The following SYCP2 variants were observed in gnomAD, a reference collection of about 807,000 sequenced individuals.
SYCP2 encodes synaptonemal complex protein 2.
SYCP2 carries 55 observed loss-of-function variants against 211.3 expected under a neutral mutation model. The observed-to-expected ratio is 0.26, with a 90% confidence interval of 0.21 to 0.33. SYCP2 has a LOEUF of 0.33. Among genes scored for constraint, SYCP2 ranks in the 10% least tolerant of loss-of-function variants. The pLI, the probability that SYCP2 is intolerant of heterozygous loss-of-function variation, is 1.00. For missense variants in SYCP2, 1,731 were observed against 1,752.0 expected (o/e 0.99, Z 0.21); for synonymous variants, 570 against 555.2 (o/e 1.03, Z -0.37).
chr20:59,872,411 T>C (rs188271041), intron 35 of SYCP2, among the ~76,000 whole-genome samples: 2 of 151,978 alleles, frequency 1.3e-5, no homozygotes, highest in Non-Finnish European at 2.9e-5. Flanking sequence ...GGAGATATCG[T>C]AGTGCTCAAG....
intron 2 of SYCP2, among the ~76,000 whole-genome samples, chr20:59,927,235 T>G (rs770823962): frequency 1.3e-5 from 2 of 152,152 alleles, no homozygotes; most frequent in Non-Finnish European, 2.9e-5. Context: ...CTTTCAGTCC[T>G]TGGTCTTTAA....
rs1037130477 is a variant in SYCP2, at chr20:59,919,691, G to A, written c.298-94C>T. The A allele has an allele frequency of 1.4e-5, 9 of 645,502 alleles. No homozygotes were observed. The African/African-American group carries it at 1.7e-4, about 12-fold the overall frequency. The allele number at this position is 645,502 out of a possible 1,614,324, so 40.0% of individuals were successfully genotyped here. ...CATAAACAGTAAACCTAGGAATAAAGACACATCAAAATTAAAATTTTAGTG... is the reference window on the plus strand; with the variant it reads ...CATAAACAGTAAACCTAGGAATAAAAACACATCAAAATTAAAATTTTAGTG... On this transcript the variant is annotated intron_variant, in intron 5 of 44. Coordinates refer to ENST00000357552, the MANE Select transcript of SYCP2 (RefSeq NM_014258.4).
At chr20:59,900,077 T>C in intron 18 of SYCP2, 61 bp downstream of exon 18, 4 of 1,519,638 alleles carry the variant, frequency 2.6e-6, no homozygotes, top group Non-Finnish European at 3.6e-6. Context: ...TCAGTACTCA[T>C]ATATAACAGT....
rs75766302 is a variant in SYCP2, at chr20:59,885,666, G to A, written c.2529+262C>T. ...CACACACACACACACGCGCGCACGC[G>A]CGATAAGGATATACTGAATCATATA... On this transcript the variant is annotated intron_variant, in intron 26 of 44. Transcript: ENST00000357552. Among the ~76,000 whole-genome samples, 1,129 of 152,112 alleles carry A rather than the reference G, an allele frequency of 7.4e-3. 16 individuals carry two copies. Among genetic ancestry groups the A allele is most frequent in the African/African-American group, 0.026 (1,063 of 41,516 alleles).
chr20:59,920,317 A>G (rs755787758), intron 5 of SYCP2, 42 bp downstream of exon 5: 7 of 1,460,720 alleles, frequency 4.8e-6, no homozygotes, highest in Non-Finnish European at 6.5e-6. Context: ...TATCTTTTAT[A>G]ATATTTCATT....
intron 31 of SYCP2, among the ~76,000 whole-genome samples, chr20:59,879,946 T>C (rs1224602773): frequency 1.3e-5 from 2 of 148,756 alleles, no homozygotes; most frequent in African/African-American, 4.9e-5. Flanking sequence ...ATATATAGAT[T>C]AGTGTCAAAG....
intron 24 of SYCP2, among the ~76,000 whole-genome samples, chr20:59,887,125 A>G (rs944567285): frequency 5.3e-5 from 8 of 152,158 alleles, no homozygotes; most frequent in Middle Eastern, 3.4e-3. Context: ...TACATTAGGT[A>G]TATCTCCTAA....
In SYCP2 at chr20:59,866,509, T is replaced by G. The variant is rs200463772; in HGVS notation, c.4206A>C (p.Gln1402His). Residue 1402 changes from glutamine to histidine, a missense_variant, in exon 40 of 45, where the codon CAA becomes CAC. Gln to His is a conservative substitution (Grantham distance 24, BLOSUM62 0). Around this residue, in one of 3 missense-constraint regions of SYCP2, gnomAD observed 1,387 missense variants for 1,351.3 expected, o/e 1.03. Transcript: ENST00000357552. ...AQQHLRTMNH[Q>H]SQDSRIKKLD... The stretch of plus-strand genomic sequence containing the variant: ...TTATTACAGACCTAGAGTCCTGACT[T>G]TGATGATTCATTGTTCTCAGATGTT... 1.9e-4 allele frequency: 305 copies of G among 1,608,600 alleles called. No homozygotes were observed. The highest frequency in any genetic ancestry group is 9.1e-4 in the South Asian group (82 of 90,200).
intron 18 of SYCP2, 92 bp downstream of exon 18, chr20:59,900,042 AATAT>A: frequency 7.8e-7 from 1 of 1,287,486 alleles, no homozygotes; most frequent in East Asian, 2.3e-5. Flanking sequence ...CAAGGCCAAT[AATAT>A]ATAAATTCTA....
At chr20:59,869,024 CTG>C in intron 36 of SYCP2, 99 bp from the exon 37 acceptor site, 1 of 744,334 alleles carries the variant, frequency 1.3e-6, no homozygotes, top group East Asian at 2.8e-5. Flanking sequence ...ATTTTAAATG[CTG>C]TCAATTCTTT....
intron 7 of SYCP2, among the ~76,000 whole-genome samples, chr20:59,918,826 C>T (rs1362962178): frequency 6.6e-6 from 1 of 152,032 alleles, no homozygotes; most frequent in Non-Finnish European, 1.5e-5. Flanking sequence ...GTTATTCTCT[C>T]GCAAAAAGAA....
intron 3 of SYCP2, among the ~76,000 whole-genome samples, chr20:59,922,088 C>T (rs1291804334): frequency 6.6e-6 from 1 of 151,462 alleles, no homozygotes; most frequent in South Asian, 2.1e-4. Context: ...ATATCTTAAC[C>T]TCTAAAACTT....
chr20:59,865,307 CAT>C (rs1428696770), intron 44 of SYCP2, 79 bp downstream of exon 44: 1 of 1,102,112 alleles, frequency 9.1e-7, no homozygotes, highest in African/African-American at 1.6e-5. Context: ...AAAAGAAAGA[CAT>C]AAAAGCACAC....
chr20:59,914,504 CAA>C (rs1466666324), intron 10 of SYCP2, among the ~76,000 whole-genome samples: 13 of 151,922 alleles, frequency 8.6e-5, no homozygotes, highest in Admixed American at 6.5e-4. Flanking sequence ...TCTAAATATT[CAA>C]AGACACTGCC....
rs1243898853 is a variant in SYCP2 at position 59,921,411 on chromosome 20, A to T, written c.67T>A (p.Phe23Ile). 1.2e-6 allele frequency: 2 copies of T among 1,605,398 alleles called. No homozygotes were observed. The highest frequency in any genetic ancestry group is 1.7e-6 in the Non-Finnish European group (2 of 1,174,984). The change falls in exon 4 of 45, where the codon TTC becomes ATC. Residue 23 changes from phenylalanine to isoleucine, a missense_variant. Physicochemically the swap from Phe to Ile is conservative, Grantham distance 21. Transcript: ENST00000357552. ...TGCAAAAGTGTTTTCAAAGGTTTGA[A>T]ATCATTTTTTCTTAAAGCATCATCA... is the stretch of plus-strand genomic sequence containing the variant. ...CIDDALRKNDFKPLKTLLQID... is the reference protein window; with the variant it reads ...CIDDALRKNDIKPLKTLLQID...
rs565235539 is a variant in SYCP2, at chr20:59,892,872, T to C, written c.1794-171A>G. Reference sequence around the variant, plus strand: ...TATATTTATATTTCTACACATTAATTAATTTCTACATATTGTTATATTTCT... The same window carrying C: ...TATATTTATATTTCTACACATTAATCAATTTCTACATATTGTTATATTTCT... On this transcript the variant is annotated intron_variant, in intron 22 of 44. Coordinates refer to ENST00000357552, the MANE Select transcript of SYCP2 (RefSeq NM_014258.4). Among the ~76,000 whole-genome samples the C allele has an allele frequency of 2.3e-3, 354 of 152,102 alleles. 1 individual carries two copies. The highest frequency in any genetic ancestry group is 8.1e-3 in the African/African-American group (337 of 41,564).
chr20:59,881,173 C>T (rs1245764249), intron 29 of SYCP2, 150 bp from the exon 30 acceptor site: 15 of 564,886 alleles, frequency 2.7e-5, no homozygotes, highest in African/African-American at 5.8e-5. Context: ...TCCTCTCTGA[C>T]CTCAGTTATA....
chr20:59,874,703 A>C (rs1376173918), intron 34 of SYCP2, among the ~76,000 whole-genome samples: 7 of 152,082 alleles, frequency 4.6e-5, no homozygotes, highest in Admixed American at 2.0e-4. Flanking sequence ...ATGTCCTTAC[A>C]AGGAAACAAA....
At chr20:59,911,921 G>T in intron 13 of SYCP2, 76 bp from the exon 14 acceptor site, 1 of 614,464 alleles carries the variant, frequency 1.6e-6, no homozygotes. Flanking sequence ...TTATATTCAT[G>T]GCTAAAGCAA....
Sources: gnomAD v4.1 joint callset for allele counts (sites outside exome capture counted in the v4.1 genomes callset) on GRCh38, gnomAD v4.1.1 for gene constraint, gnomAD v4.1.1 regional missense constraint, MANE v1.5 for transcripts, NCBI Gene and HGNC (gene_info 2026-07-23, HGNC 2026-07-21) for gene names.